Variants in CYP2C19 observed in about 807,000 individuals in gnomAD.
CYP2C19 encodes the protein cytochrome P450 family 2 subfamily C member 19, also known as cytochrome P450 2C19.
CYP2C19 carries 59 observed loss-of-function variants against 40.9 expected under a neutral mutation model. The observed-to-expected ratio is 1.44, with a 90% CI of 1.17 to 1.79. CYP2C19 has a LOEUF of 1.79. Among genes scored for constraint, CYP2C19 ranks in the 40% most tolerant of loss-of-function variants. The probability of loss-of-function intolerance (pLI) is 0.00; values close to 1 mark genes in which losing one functional copy is unlikely to be tolerated. For synonymous variants in CYP2C19, 253 were observed against 208.7 expected, an observed-to-expected ratio of 1.21 and a Z score of -1.83; for missense variants, 754 against 596.9, an observed-to-expected ratio of 1.26 and a Z score of -2.74.
At position 94,775,478 on chromosome 10, in the gene CYP2C19, C is replaced by T; in HGVS notation, c.420C>T (p.Ser140=). 1 of 1,613,972 alleles carries T rather than the reference C, an allele frequency of 6.2e-7. No individual in the cohort carries two copies. The change falls in exon 3 of 9, where the codon AGC becomes AGT. Residue 140 remains serine, a synonymous_variant. Transcript: ENST00000371321. ...TLRNFGMGKR[S]IEDRVQEEAR... is the part of the protein sequence containing the mutation. The stretch of plus-strand genomic sequence containing the variant: ...GGAATTTTGGGATGGGGAAGAGGAG[C>T]ATTGAGGACCGTGTTCAAGAGGAAG...
chr10:94,798,151 C>T (rs1848714235), intron 5 of CYP2C19, among the ~76,000 whole-genome samples: 1 of 152,124 alleles, frequency 6.6e-6, no homozygotes, highest in Non-Finnish European at 1.5e-5. Context: ...TCCGTCTACA[C>T]ACTGCTTTAA....
chr10:94,791,673 G>C (rs959762946), intron 5 of CYP2C19, among the ~76,000 whole-genome samples: 1 of 152,296 alleles, frequency 6.6e-6, no homozygotes, highest in East Asian at 1.9e-4. Context: ...TAGTTGAGCA[G>C]TTTTGAGTGA....
intron 8 of CYP2C19, among the ~76,000 whole-genome samples, chr10:94,852,279 C>T (rs1294704245): frequency 2.6e-5 from 4 of 152,110 alleles, no homozygotes; most frequent in Non-Finnish European, 5.9e-5. Context: ...TCTGAAAATA[C>T]TTAGCGGGAA....
chr10:94,789,913 G>A (rs1477872997), intron 5 of CYP2C19, among the ~76,000 whole-genome samples: 2 of 152,098 alleles, frequency 1.3e-5, no homozygotes, highest in East Asian at 3.9e-4. Context: ...GGATGGCATT[G>A]AATCTATAAC....
chr10:94,797,632 G>T (rs956518429), intron 5 of CYP2C19, among the ~76,000 whole-genome samples: 2 of 151,274 alleles, frequency 1.3e-5, no homozygotes, highest in South Asian at 2.1e-4. Context: ...CTTTTTTTTT[G>T]GTTGGTAGGC....
intron 5 of CYP2C19, among the ~76,000 whole-genome samples, chr10:94,803,378 A>T (rs1670945752): frequency 6.6e-6 from 1 of 152,122 alleles, no homozygotes; most frequent in Non-Finnish European, 1.5e-5. Flanking sequence ...AGTTTGACAT[A>T]CATGTCAGTA....
chr10:94,820,570 G>T lies in CYP2C19; in HGVS notation c.894G>T (p.Gly298=). ...CTGCAGCTGACTTACTTGGAGCTGGGACAGAGACAACAAGCACAACCCTGA... is the reference window on the plus strand; with the variant it reads ...CTGCAGCTGACTTACTTGGAGCTGGTACAGAGACAACAAGCACAACCCTGA... The part of the protein sequence containing the change: ...VITAADLLGA[G]TETTSTTLRY... The change falls in exon 6 of 9, where the codon GGG becomes GGT. Residue 298 remains glycine (G), a synonymous_variant. Coordinates refer to ENST00000371321, the MANE Select transcript of CYP2C19 (RefSeq NM_000769.4). The T allele has an allele frequency of 2.5e-6, 4 of 1,614,142 alleles. No homozygotes were observed. Among genetic ancestry groups the T allele is most frequent in the Non-Finnish European group, 3.4e-6 (4 of 1,180,032 alleles).
chr10:94,805,122 T>G (rs979888671), intron 5 of CYP2C19, among the ~76,000 whole-genome samples: 2 of 151,578 alleles, frequency 1.3e-5, no homozygotes, highest in Admixed American at 1.3e-4. Flanking sequence ...ACATCCTTGT[T>G]TTTTTTCTTT....
At chr10:94,785,335 C>A (rs985384220) in intron 5 of CYP2C19, among the ~76,000 whole-genome samples, 41 of 152,034 alleles carry the variant, frequency 2.7e-4, no homozygotes, top group Non-Finnish European at 4.6e-4. Context: ...TTATATTTTT[C>A]ATTTGGAGTG....
chr10:94,813,307 C>A (rs1206330572), intron 5 of CYP2C19, among the ~76,000 whole-genome samples: 2 of 151,912 alleles, frequency 1.3e-5, no homozygotes, highest in Non-Finnish European at 2.9e-5. Flanking sequence ...GTCTGTTGAC[C>A]CCTGCTGGGA....
intron 5 of CYP2C19, among the ~76,000 whole-genome samples, chr10:94,803,553 G>T (rs1485414341): frequency 3.9e-5 from 6 of 152,184 alleles, no homozygotes; most frequent in African/African-American, 1.4e-4. Context: ...AATCAAGATG[G>T]GTGGCACTGG....
At chr10:94,842,515 T>C (rs1849511544) in intron 6 of CYP2C19, among the ~76,000 whole-genome samples, 1 of 151,928 alleles carries the variant, frequency 6.6e-6, no homozygotes, top group South Asian at 2.1e-4. Context: ...AGTAAGGACT[T>C]ACTTCTGCCT....
chr10:94,768,089 T>C (rs977848997), intron 1 of CYP2C19, among the ~76,000 whole-genome samples: 17 of 152,214 alleles, frequency 1.1e-4, no homozygotes, highest in African/African-American at 3.4e-4. Context: ...TGGTATTTAA[T>C]GGGGGTTTCT....
At position 94,795,649 on chromosome 10, in the gene CYP2C19, A is replaced by G. The variant is rs1848673807; in HGVS notation, c.819+13652A>G. Reference sequence around the variant, plus strand: ...TGTAAAAGTGTTCCTATTTCTCCATATCCTCTCCAGCACCTGTCGTTTCCT... The same window carrying G: ...TGTAAAAGTGTTCCTATTTCTCCATGTCCTCTCCAGCACCTGTCGTTTCCT... On this transcript the variant is annotated intron_variant, in intron 5 of 8. Transcript: ENST00000371321. 2.0e-5 allele frequency among the ~76,000 whole-genome samples: 3 copies of G among 152,102 alleles called. No individual in the cohort carries two copies. In the South Asian group the frequency reaches 6.2e-4, roughly 31 times the overall value.
At chr10:94,779,333 A>G (rs991818381) in intron 3 of CYP2C19, among the ~76,000 whole-genome samples, 3 of 152,134 alleles carry the variant, frequency 2.0e-5, no homozygotes, top group African/African-American at 7.2e-5. Context: ...CAACAACTTT[A>G]TTTCAGAGAT....
chr10:94,849,151 G>A (rs1255480272), intron 7 of CYP2C19, among the ~76,000 whole-genome samples: 1 of 152,058 alleles, frequency 6.6e-6, no homozygotes, highest in Non-Finnish European at 1.5e-5. Context: ...TCCCTGTCTT[G>A]TGCCTTTAAG....
intron 6 of CYP2C19, among the ~76,000 whole-genome samples, chr10:94,822,523 T>C (rs1239669207): frequency 6.6e-6 from 1 of 152,224 alleles, no homozygotes; most frequent in East Asian, 1.9e-4. Flanking sequence ...TGAATAGCAC[T>C]ACAGTGAACA....
In CYP2C19 at chr10:94,839,981, C is replaced by CTTTTT. The variant is rs1018144193; in HGVS notation, c.962-2852_962-2848dup. Among the ~76,000 whole-genome samples the CTTTTT allele has an allele frequency of 2.3e-3, 344 of 151,688 alleles. 2 individuals carry two copies. The highest frequency in any genetic ancestry group is 7.9e-3 in the African/African-American group (325 of 41,202). On this transcript the variant is annotated intron_variant, in intron 6 of 8. Transcript: ENST00000371321. ...TTTGAGTTAGTGAGCTACCTTTTTGCTTTTTTTTATTTTTTTTTGACTAAG... is the reference window on the plus strand; with the variant it reads ...TTTGAGTTAGTGAGCTACCTTTTTGCTTTTTTTTTTTTTATTTTTTTTTGACTAAG...
chr10:94,815,441 T>C (rs1327615063), intron 5 of CYP2C19, among the ~76,000 whole-genome samples: 1 of 152,220 alleles, frequency 6.6e-6, no homozygotes, highest in East Asian at 1.9e-4. Flanking sequence ...TATTCAAAAC[T>C]TTCCCCTTAT....
Sources: gnomAD v4.1 joint callset for allele counts (sites outside exome capture counted in the v4.1 genomes callset) on GRCh38, gnomAD v4.1.1 for gene constraint, MANE v1.5 for transcripts, NCBI Gene and HGNC (gene_info 2026-07-23, HGNC 2026-07-21) for gene names.